ARHGAP39: variants seen among roughly 807,000 people sequenced by gnomAD.
The protein encoded by ARHGAP39 is rho GTPase-activating protein 39.
A neutral mutation model predicts 106.9 loss-of-function variants in ARHGAP39; 44 were observed. The observed-to-expected ratio is 0.41, with a 90% CI of 0.32 to 0.53. The LOEUF (loss-of-function observed/expected upper bound fraction) is 0.53, where lower values mean the gene tolerates loss of function less well. ARHGAP39 is among the 20% of genes least tolerant of loss of function. The pLI, the probability that ARHGAP39 is intolerant of heterozygous loss-of-function variation, is 0.21. For synonymous variants in ARHGAP39, 768 were observed against 693.2 expected (o/e 1.11, Z -1.69); for missense variants, 1,496 against 1,577.3 (o/e 0.95, Z 0.87).
At chr8:144,587,973 C>G (rs1177139767) in intron 2 of ARHGAP39, among the ~76,000 whole-genome samples, 1 of 152,236 alleles carries the variant, frequency 6.6e-6, no homozygotes, top group African/African-American at 2.4e-5. Context: ...GATCAGCCTC[C>G]AGTCTCTGAA....
chr8:144,668,174 G>T (rs1462603237), intron 1 of ARHGAP39, among the ~76,000 whole-genome samples: 4 of 152,142 alleles, frequency 2.6e-5, no homozygotes, highest in Admixed American at 2.6e-4. Flanking sequence ...AGGTGCAGTG[G>T]CTTACACCTG....
At chr8:144,653,994 A>T (rs928939598) in intron 1 of ARHGAP39, among the ~76,000 whole-genome samples, 1 of 152,208 alleles carries the variant, frequency 6.6e-6, no homozygotes, top group Non-Finnish European at 1.5e-5. Flanking sequence ...GCACGTGAGC[A>T]CGGCTGTCTG....
At chr8:144,540,060 A>G (rs1256826108) in intron 6 of ARHGAP39, among the ~76,000 whole-genome samples, 1 of 152,198 alleles carries the variant, frequency 6.6e-6, no homozygotes. Context: ...ACTTTCAGCA[A>G]TGGTTTGCAG....
rs1291967525 is a variant in ARHGAP39, at chr8:144,548,802, G to C, written c.597-313C>G. On this transcript the variant is annotated intron_variant, in intron 4 of 11. Transcript: ENST00000377307. This position sits in a 1 kb window ranked among gnomAD's most constrained non-coding sequence, Gnocchi z 7.4. ...TACCAGGGCCCTTAATGTGGGTGCT[G>C]TGCGGGTGTCTCCAGAGCTGCCTGA... Among the ~76,000 whole-genome samples the C allele has an allele frequency of 6.6e-6, 1 of 152,238 alleles. No individual in the cohort carries two copies. The highest frequency in any genetic ancestry group is 1.5e-5 in the Non-Finnish European group (1 of 68,040).
rs141652446 is a variant in ARHGAP39, at chr8:144,547,200, T to C, written c.1886A>G (p.Gln629Arg). 9.4e-4 allele frequency: 1,521 copies of C among 1,612,482 alleles called. 5 individuals are homozygous for C. The highest frequency in any genetic ancestry group is 2.1e-3 in the South Asian group (194 of 90,968). ...RGTFEKLGFP[Q>R]ILLEKSVSVQ... ...GGAGACGCTCTTCTCCAGCAGGATC[T>C]GGGGGAAGCCTAGCTTCTCGAAGGT... Residue 629 changes from glutamine (Q) to arginine (R), a missense_variant, in exon 5 of 12, where the codon CAG (glutamine) becomes CGG (arginine). Around this residue, in one of 4 missense-constraint regions of ARHGAP39, gnomAD observed 905 missense variants for 816.4 expected, o/e 1.11. Coordinates refer to ENST00000377307, the MANE Select transcript of ARHGAP39 (RefSeq NM_025251.3). The surrounding 1 kb of genome is among the most constrained non-coding windows in gnomAD (Gnocchi z 5.2).
At chr8:144,556,141 C>T (rs925947115) in intron 3 of ARHGAP39, among the ~76,000 whole-genome samples, 6 of 152,116 alleles carry the variant, frequency 3.9e-5, no homozygotes, top group Admixed American at 6.5e-5. Flanking sequence ...AAAAATTAGC[C>T]AGGCGTGGTG....
intron 1 of ARHGAP39, among the ~76,000 whole-genome samples, chr8:144,613,902 C>T (rs1308913386): frequency 6.6e-6 from 1 of 152,164 alleles, no homozygotes; most frequent in East Asian, 1.9e-4. Context: ...ATTGTTAGGC[C>T]TCTGAAAGTT....
chr8:144,631,187 C>G (rs1310327529), intron 1 of ARHGAP39, among the ~76,000 whole-genome samples: 2 of 152,230 alleles, frequency 1.3e-5, no homozygotes, highest in Non-Finnish European at 2.9e-5. Context: ...GGGATCCACC[C>G]CCATGATCCA....
chr8:144,554,804 C>T (rs1817853463), intron 4 of ARHGAP39, among the ~76,000 whole-genome samples: 1 of 152,242 alleles, frequency 6.6e-6, no homozygotes, highest in Admixed American at 6.5e-5. Flanking sequence ...TAATGTTCAA[C>T]AAATACGAAT....
intron 1 of ARHGAP39, among the ~76,000 whole-genome samples, chr8:144,618,384 C>A (rs1019482569): frequency 4.6e-5 from 7 of 152,268 alleles, no homozygotes; most frequent in Non-Finnish European, 7.3e-5. Context: ...GAATCCACTT[C>A]ACAGTTTACT....
chr8:144,617,706 GC>G (rs1183732619), intron 1 of ARHGAP39, among the ~76,000 whole-genome samples: 2 of 152,114 alleles, frequency 1.3e-5, no homozygotes, highest in Non-Finnish European at 2.9e-5. Flanking sequence ...CTCTCACCTG[GC>G]TTTGTTGGTT....
rs928216414 is a variant in ARHGAP39, at chr8:144,679,522, T to C, written c.-82+6164A>G. ...GTGAGCGCTGCAGTGCTGGGGTTGC[T>C]ACTGCAACTCGCTCTGGAGAAAGCT... On this transcript the variant is annotated intron_variant, in intron 1 of 11. Coordinates refer to ENST00000377307, the MANE Select transcript of ARHGAP39 (RefSeq NM_025251.3). The surrounding 1 kb of genome is among the most constrained non-coding windows in gnomAD (Gnocchi z 4.7). Among the ~76,000 whole-genome samples, 2 of 152,236 alleles carry C rather than the reference T, an allele frequency of 1.3e-5. No individual in the cohort carries two copies. Among genetic ancestry groups the C allele is most frequent in the African/African-American group, 4.8e-5 (2 of 41,466 alleles).
chr8:144,583,991 G>T (rs886086763), intron 2 of ARHGAP39: 2 of 152,244 alleles, frequency 1.3e-5, no homozygotes, highest in Non-Finnish European at 2.9e-5. Flanking sequence ...CCCCGCAGGG[G>T]TGTTTTAATT....
At chr8:144,576,699 A>G (rs1818790713) in intron 3 of ARHGAP39, among the ~76,000 whole-genome samples, 1 of 152,242 alleles carries the variant, frequency 6.6e-6, no homozygotes, top group Admixed American at 6.5e-5. Context: ...CGCAGGCCCG[A>G]AGCCGTCCAT....
rs1564833843 is a variant in ARHGAP39 at position 144,534,297 on chromosome 8, G to A, written c.2615-95C>T. 4.2e-6 allele frequency: 6 copies of A among 1,439,442 alleles called. No homozygotes were observed. In the East Asian group the frequency reaches 1.4e-4, roughly 33 times the overall value. The allele number at this position is 1,439,442 out of a possible 1,614,324, so 89.2% of individuals were successfully genotyped here. On this transcript the variant is annotated intron_variant, in intron 7 of 11. Coordinates refer to ENST00000377307, the MANE Select transcript of ARHGAP39 (RefSeq NM_025251.3). ...GACACAGCTCCTTCGAGGGCCCTGG[G>A]GGGCTGGGCTGGCCTTGCCCCGGTC...
chr8:144,605,718 G>T, intron 1 of ARHGAP39, 23 bp from the exon 2 acceptor site: 1 of 1,122,178 alleles, frequency 8.9e-7, no homozygotes. Context: ...AGAAGCAACA[G>T]TGCTGATATG....
chr8:144,603,300 T>C (rs1346416926), intron 2 of ARHGAP39, among the ~76,000 whole-genome samples: 1 of 150,896 alleles, frequency 6.6e-6, no homozygotes, highest in African/African-American at 2.4e-5. Flanking sequence ...TGCTCGTGTA[T>C]CTGTGTGTGT....
At chr8:144,636,583 C>T (rs1821177830) in intron 1 of ARHGAP39, among the ~76,000 whole-genome samples, 1 of 152,232 alleles carries the variant, frequency 6.6e-6, no homozygotes, top group Non-Finnish European at 1.5e-5. Context: ...GATGCTAACA[C>T]AGACACAGCA....
At chr8:144,588,626 C>G (rs1033276899) in intron 2 of ARHGAP39, among the ~76,000 whole-genome samples, 2 of 152,246 alleles carry the variant, frequency 1.3e-5, no homozygotes, top group Non-Finnish European at 2.9e-5. Context: ...GAAGGTAAGA[C>G]CCAGTAGGGC....
Sources: allele counts gnomAD v4.1 joint callset (sites outside exome capture counted in the v4.1 genomes callset), GRCh38; gene constraint gnomAD v4.1.1; regional missense constraint gnomAD v4.1.1; non-coding constraint Gnocchi (gnomAD v3.1); transcripts MANE v1.5; gene names NCBI Gene and HGNC (gene_info 2026-07-23, HGNC 2026-07-21).